Variants in ARHGAP32 observed in about 807,000 individuals in gnomAD.
ARHGAP32 encodes the protein Rho GTPase activating protein 32.
Under a neutral mutation model 186.5 loss-of-function variants are expected in ARHGAP32, and 51 were observed. That is an observed-to-expected ratio of 0.27 (90% CI 0.22 to 0.35). The LOEUF is 0.35. ARHGAP32 is among the 10% of genes least tolerant of loss of function. ARHGAP32 has a pLI of 1.00. For synonymous variants in ARHGAP32, 950 were observed against 964.3 expected (o/e 0.99, Z 0.27); for missense variants, 2,186 against 2,623.5 (o/e 0.83, Z 3.64).
At chr11:129,061,303 T>C (rs957118678) in intron 10 of ARHGAP32, among the ~76,000 whole-genome samples, 3 of 152,188 alleles carry the variant, frequency 2.0e-5, no homozygotes, top group Non-Finnish European at 4.4e-5. Context: ...GTCAGTCTAA[T>C]AGATGTTATT....
chr11:129,004,963 G>A (rs1937684228), intron 11 of ARHGAP32, among the ~76,000 whole-genome samples: 1 of 151,550 alleles, frequency 6.6e-6, no homozygotes, highest in Non-Finnish European at 1.5e-5. Flanking sequence ...CTTCCTTCCT[G>A]TCTTCCTTTT....
intron 1 of ARHGAP32, among the ~76,000 whole-genome samples, chr11:129,216,356 G>A (rs1944645405): frequency 6.6e-6 from 1 of 151,974 alleles, no homozygotes; most frequent in Admixed American, 6.6e-5. Flanking sequence ...TGAGTTACAT[G>A]GGTAATTCAT....
chr11:129,206,582 A>C (rs1292525671), intron 1 of ARHGAP32, among the ~76,000 whole-genome samples: 1 of 152,066 alleles, frequency 6.6e-6, no homozygotes, highest in Non-Finnish European at 1.5e-5. Flanking sequence ...ATTTTGGTAA[A>C]TAAGTCTCTT....
intron 1 of ARHGAP32, among the ~76,000 whole-genome samples, chr11:129,253,531 G>A (rs536434007): frequency 2.0e-5 from 3 of 152,256 alleles, no homozygotes; most frequent in East Asian, 3.9e-4. Context: ...TAAATTACAT[G>A]TTGAGGAAAA....
intron 2 of ARHGAP32, among the ~76,000 whole-genome samples, chr11:129,156,525 C>T (rs1943411593): frequency 1.3e-5 from 2 of 152,192 alleles, no homozygotes; most frequent in Admixed American, 1.3e-4. Flanking sequence ...GCCACTGTAG[C>T]CAGACTGCCT....
chr11:128,974,626 A>G lies in ARHGAP32; in HGVS notation c.2571T>C (p.Cys857=), dbSNP rs201721527. The G allele has an allele frequency of 8.5e-5, 137 of 1,614,100 alleles. No individual in the cohort carries two copies. Among genetic ancestry groups the G allele is most frequent in the Non-Finnish European group, 1.1e-4 (131 of 1,180,046 alleles). The part of the protein sequence containing the change: ...KKDAETGSSQ[C]QTPGSTASSE... Reference sequence around the variant, plus strand: ...AGCTTGCTGTGCTTCCTGGAGTCTGACATTGGCTACTACCTGTTTCTGCAT... The same window carrying G: ...AGCTTGCTGTGCTTCCTGGAGTCTGGCATTGGCTACTACCTGTTTCTGCAT... The change falls in exon 21 of 23, where the codon TGT becomes TGC. Residue 857 remains cysteine (C), a synonymous_variant. Coordinates refer to ENST00000682385, the MANE Select transcript of ARHGAP32 (RefSeq NM_001378024.1).
intron 6 of ARHGAP32, among the ~76,000 whole-genome samples, chr11:129,075,707 G>A (rs1254570635): frequency 6.6e-6 from 1 of 152,172 alleles, no homozygotes; most frequent in Non-Finnish European, 1.5e-5. Context: ...ACATGCTTCT[G>A]AGGCTCATAT....
intron 2 of ARHGAP32, among the ~76,000 whole-genome samples, chr11:129,152,950 C>G (rs1943321448): frequency 2.0e-5 from 3 of 152,148 alleles, no homozygotes; most frequent in African/African-American, 7.2e-5. Context: ...CAAACTGTCG[C>G]TGTTTGCTGA....
chr11:129,269,756 C>G (rs1945452059), intron 1 of ARHGAP32, among the ~76,000 whole-genome samples: 1 of 152,082 alleles, frequency 6.6e-6, no homozygotes, highest in Admixed American at 6.6e-5. Flanking sequence ...GTAAAAGGAA[C>G]AGCAAACACA....
At position 129,056,429 on chromosome 11, in the gene ARHGAP32, T is replaced by C. The variant is rs2135108668; in HGVS notation, c.963+5851A>G. Among the ~76,000 whole-genome samples the C allele has an allele frequency of 2.0e-5, 3 of 152,066 alleles. 1 individual carries two copies. The East Asian group carries it at 5.8e-4, about 29-fold the overall frequency. ...GCCTGGGTCAGTTTTATAATTTTAG[T>C]AGAGATGAGGTTTCACCATGTTGGC... On this transcript the variant is annotated intron_variant, in intron 10 of 22. Transcript: ENST00000682385.
chr11:129,041,835 T>G (rs1169370143), intron 10 of ARHGAP32, among the ~76,000 whole-genome samples: 2 of 152,224 alleles, frequency 1.3e-5, no homozygotes, highest in Admixed American at 1.3e-4. Context: ...TATCAATATT[T>G]ATAGATGTTT....
At chr11:129,091,180 C>A (rs1412971198) in intron 6 of ARHGAP32, among the ~76,000 whole-genome samples, 1 of 152,128 alleles carries the variant, frequency 6.6e-6, no homozygotes, top group Non-Finnish European at 1.5e-5. Flanking sequence ...AGCTAAGACA[C>A]ACCAATATGG....
intron 2 of ARHGAP32, among the ~76,000 whole-genome samples, chr11:129,158,308 G>T (rs764825711): frequency 6.6e-6 from 1 of 151,512 alleles, no homozygotes; most frequent in Non-Finnish European, 1.5e-5. Context: ...AAGACTCATC[G>T]GGGTGCTGAA....
intron 2 of ARHGAP32, among the ~76,000 whole-genome samples, chr11:129,129,597 G>T (rs959375471): frequency 6.6e-6 from 1 of 152,206 alleles, no homozygotes; most frequent in African/African-American, 2.4e-5. Context: ...TAGAAAAGGG[G>T]GAAATATGGG....
intron 11 of ARHGAP32, among the ~76,000 whole-genome samples, chr11:129,018,395 G>C (rs1033119487): frequency 3.3e-5 from 5 of 152,160 alleles, no homozygotes; most frequent in African/African-American, 1.2e-4. Context: ...ACCTTAAATA[G>C]CAGCAAAGAA....
At chr11:129,110,695 T>C (rs1189206485) in intron 5 of ARHGAP32, among the ~76,000 whole-genome samples, 1 of 152,174 alleles carries the variant, frequency 6.6e-6, no homozygotes, top group Non-Finnish European at 1.5e-5. Flanking sequence ...GTTTAGTTAT[T>C]GTAAATACGA....
At chr11:129,236,166 C>T (rs1163339173) in intron 1 of ARHGAP32, among the ~76,000 whole-genome samples, 5 of 152,104 alleles carry the variant, frequency 3.3e-5, no homozygotes, top group Non-Finnish European at 7.4e-5. Flanking sequence ...ATAGTGGTTG[C>T]GCTAGTTTCC....
chr11:129,064,135 T>TC lies in ARHGAP32; in HGVS notation c.763-112dup, dbSNP rs541705003. 407 of 829,732 alleles carry TC rather than the reference T, an allele frequency of 4.9e-4. 3 individuals carry two copies. The African/African-American group carries it at 0.018, about 37-fold the overall frequency. The allele number at this position is 829,732 out of a possible 1,614,324, so 51.4% of individuals were successfully genotyped here. ...TTTAGAGATACAATAACCCAAAGAG[T>TC]CTTAAAAAAAAAAACTACCATTTAC... On this transcript the variant is annotated intron_variant, in intron 8 of 22. Transcript: ENST00000682385.
intron 5 of ARHGAP32, among the ~76,000 whole-genome samples, chr11:129,113,823 A>C (rs1246329180): frequency 6.6e-6 from 1 of 151,916 alleles, no homozygotes; most frequent in African/African-American, 2.4e-5. Flanking sequence ...ATCTTTCCTC[A>C]CATATTCTCC....
Sources: gnomAD v4.1 joint callset for allele counts (sites outside exome capture counted in the v4.1 genomes callset) on GRCh38, gnomAD v4.1.1 for gene constraint, MANE v1.5 for transcripts, NCBI Gene and HGNC (gene_info 2026-07-23, HGNC 2026-07-21) for gene names.